RMDN2: variants seen among roughly 807,000 people sequenced by gnomAD.
RMDN2 encodes regulator of microtubule dynamics protein 2.
RMDN2 carries 61 observed loss-of-function variants against 52.8 expected under a neutral mutation model. That is an observed-to-expected ratio of 1.16 (90% confidence interval 0.94 to 1.43). The LOEUF (loss-of-function observed/expected upper bound fraction) is 1.43. Among genes scored for constraint, RMDN2 ranks in the 40% most tolerant of loss-of-function variants. The probability of loss-of-function intolerance (pLI) is 0.00; values close to 1 mark genes in which losing one functional copy is unlikely to be tolerated. For missense variants in RMDN2, 592 were observed against 475.3 expected, an observed-to-expected ratio of 1.25 and a Z score of -2.28; for synonymous variants, 180 against 153.1, an observed-to-expected ratio of 1.18 and a Z score of -1.30.
At chr2:37,995,469 G>C (rs565199992) in intron 7 of RMDN2, among the ~76,000 whole-genome samples, 1 of 152,122 alleles carries the variant, frequency 6.6e-6, no homozygotes, top group Non-Finnish European at 1.5e-5. Context: ...AAACTAGTGT[G>C]CTTGTAATAA....
intron 10 of RMDN2, among the ~76,000 whole-genome samples, chr2:38,031,012 G>A (rs1323169816): frequency 6.6e-6 from 1 of 151,796 alleles, no homozygotes; most frequent in African/African-American, 2.4e-5. Context: ...TTGCTTAATT[G>A]GCCAAGAACA....
intron 10 of RMDN2, among the ~76,000 whole-genome samples, chr2:38,048,254 T>C (rs994832800): frequency 6.6e-6 from 1 of 152,222 alleles, no homozygotes; most frequent in African/African-American, 2.4e-5. Context: ...AGTGAAATGA[T>C]TGGGTCCATT....
chr2:37,938,884 T>G (rs994944789), intron 2 of RMDN2, among the ~76,000 whole-genome samples: 2 of 152,184 alleles, frequency 1.3e-5, no homozygotes, highest in African/African-American at 4.8e-5. Context: ...AGTTTTTTGA[T>G]CTCTATCTCC....
At position 38,014,325 on chromosome 2, in the gene RMDN2, C is replaced by T. The variant is rs182545845; in HGVS notation, c.1180-2861C>T. On this transcript the variant is annotated intron_variant, in intron 10 of 10. Transcript: ENST00000354545. ...AAAGTCTGTTTACAACCCGCTATTT[C>T]TACTCTTTTGACTCTTACCTTCTTG... 1.5e-3 allele frequency among the ~76,000 whole-genome samples: 222 copies of T among 152,324 alleles called. 2 individuals are homozygous for T. Among genetic ancestry groups the T allele is most frequent in the Non-Finnish European group, 3.5e-4 (24 of 68,024 alleles).
intron 10 of RMDN2, among the ~76,000 whole-genome samples, chr2:38,014,652 G>A (rs977007945): frequency 6.6e-6 from 1 of 152,180 alleles, no homozygotes; most frequent in Non-Finnish European, 1.5e-5. Flanking sequence ...GAGCATTGAT[G>A]TAGTTTTCTA....
In RMDN2 at chr2:38,017,402, AAATT is replaced by A. The variant is rs760939574; in HGVS notation, c.*169_*172del. 4 of 1,347,330 alleles carry A rather than the reference AAATT, an allele frequency of 3.0e-6. No individual in the cohort carries two copies. The highest frequency in any genetic ancestry group is 3.9e-6 in the Non-Finnish European group (4 of 1,033,436). 83.5% of individuals were successfully genotyped at this position (1,347,330 alleles called of 1,614,324 possible). A position where few individuals can be genotyped will look rare whatever the true frequency, so the allele number is the denominator to read the frequency against. ...AATGCATTCCACTAGTAGCACTACA[AAATT>A]AATTATGTTATTTGGAGAATCTATA... On this transcript the variant is annotated 3_prime_UTR_variant, in exon 11 of 11. Coordinates refer to ENST00000354545, the MANE Select transcript of RMDN2 (RefSeq NM_001170791.3).
upstream of RMDN2, among the ~76,000 whole-genome samples, chr2:37,924,525 C>G (rs1666128918): frequency 6.6e-6 from 1 of 152,128 alleles, no homozygotes; most frequent in Admixed American, 6.5e-5. Flanking sequence ...CCACCACGCC[C>G]GGCTAATTTT....
At position 37,989,807 on chromosome 2, in the gene RMDN2, A is replaced by G. The variant is rs1352557437; in HGVS notation, c.867+191A>G. 3.9e-5 allele frequency among the ~76,000 whole-genome samples: 6 copies of G among 152,310 alleles called. No individual in the cohort carries two copies. In the South Asian group the frequency reaches 1.0e-3, roughly 26 times the overall value. On this transcript the variant is annotated intron_variant, in intron 6 of 10. Coordinates refer to ENST00000354545, the MANE Select transcript of RMDN2 (RefSeq NM_001170791.3). Reference sequence around the variant, plus strand: ...GAAAATGAAATTATACTCTTTAAATAGTACTGTGACAAAAAGAATTAAATT... The same window carrying G: ...GAAAATGAAATTATACTCTTTAAATGGTACTGTGACAAAAAGAATTAAATT...
chr2:38,039,105 T>G (rs965321085), intron 10 of RMDN2, among the ~76,000 whole-genome samples: 2 of 130,030 alleles, frequency 1.5e-5, no homozygotes, highest in Admixed American at 7.6e-5. Context: ...GAGAGAGAGA[T>G]AAAATGTTCA....
intron 2 of RMDN2, among the ~76,000 whole-genome samples, chr2:37,957,496 G>GT (rs1411291106): frequency 3.9e-5 from 6 of 152,048 alleles, no homozygotes; most frequent in African/African-American, 4.8e-5. Flanking sequence ...GGGTTGTTTG[G>GT]TTTTTTCTTG....
At position 37,980,600 on chromosome 2, in the gene RMDN2, A is replaced by T. The variant is rs560668446; in HGVS notation, c.731-683A>T. Among the ~76,000 whole-genome samples the T allele has an allele frequency of 3.9e-5, 6 of 152,296 alleles. No individual in the cohort carries two copies. The East Asian group carries it at 1.2e-3, about 29-fold the overall frequency. ...ATTACAGGTGTGAGCCACCAGGTCC[A>T]GCCCCAAATTAATTATTACATGGTT... On this transcript the variant is annotated intron_variant, in intron 4 of 10. Transcript: ENST00000354545.
intron 10 of RMDN2, chr2:38,030,464 T>C (rs933260598): frequency 1.3e-5 from 2 of 152,224 alleles, no homozygotes; most frequent in African/African-American, 4.8e-5. Flanking sequence ...CAGAGGATCA[T>C]TCTTAACAAC....
intron 2 of RMDN2, among the ~76,000 whole-genome samples, chr2:37,970,505 A>G (rs1671670541): frequency 6.6e-6 from 1 of 152,034 alleles, no homozygotes; most frequent in Non-Finnish European, 1.5e-5. Flanking sequence ...TATTTTTTGT[A>G]ATATTCATGT....
downstream of RMDN2, among the ~76,000 whole-genome samples, chr2:38,021,199 G>A (rs1477873052): frequency 6.6e-6 from 1 of 152,108 alleles, no homozygotes; most frequent in Admixed American, 6.5e-5. Context: ...GGGATGTGGA[G>A]AACTTTTGTG....
chr2:38,025,091 C>T (rs1679677387), intron 10 of RMDN2, among the ~76,000 whole-genome samples: 1 of 152,106 alleles, frequency 6.6e-6, no homozygotes, highest in Non-Finnish European at 1.5e-5. Flanking sequence ...ATTGTGATTA[C>T]ATTGATCAAT....
chr2:38,037,820 C>T (rs566302262), intron 10 of RMDN2, among the ~76,000 whole-genome samples: 5 of 152,258 alleles, frequency 3.3e-5, no homozygotes, highest in Admixed American at 3.3e-4. Flanking sequence ...TCCACAAGGC[C>T]GTGATGCCCA....
At chr2:37,949,649 C>G (rs1178031086) in intron 2 of RMDN2, among the ~76,000 whole-genome samples, 5 of 152,068 alleles carry the variant, frequency 3.3e-5, no homozygotes, top group Non-Finnish European at 7.4e-5. Context: ...AGCTTTGGGT[C>G]TCTTAAAAGG....
At chr2:38,061,821 A>C (rs1180845066) in intron 10 of RMDN2, among the ~76,000 whole-genome samples, 1 of 152,180 alleles carries the variant, frequency 6.6e-6, no homozygotes, top group Non-Finnish European at 1.5e-5. Flanking sequence ...ATTAACACTT[A>C]TGACATTGAA....
intron 10 of RMDN2, among the ~76,000 whole-genome samples, chr2:38,015,501 G>A (rs1163972708): frequency 6.6e-6 from 1 of 150,486 alleles, no homozygotes; most frequent in Non-Finnish European, 1.5e-5. Flanking sequence ...GAAGGCGGAG[G>A]TTGCAGTAGG....
Sources: gnomAD v4.1 joint callset for allele counts (sites outside exome capture counted in the v4.1 genomes callset) on GRCh38, gnomAD v4.1.1 for gene constraint, MANE v1.5 for transcripts, NCBI Gene and HGNC (gene_info 2026-07-23, HGNC 2026-07-21) for gene names.